Variants in LRRC18 observed in about 807,000 individuals in gnomAD.
LRRC18 encodes leucine rich repeat containing 18.
Under a neutral mutation model 11.2 loss-of-function variants are expected in LRRC18, and 12 were observed. That is an observed-to-expected ratio of 1.07 (90% CI 0.69 to 1.74). The LOEUF is 1.74. Ranked by LOEUF, LRRC18 falls within the 40% of genes most tolerant of loss-of-function variation. The pLI is 0.00. For synonymous variants in LRRC18, 155 were observed against 130.6 expected (o/e 1.19, Z -1.27); for missense variants, 374 against 330.5 (o/e 1.13, Z -1.02).
intron 1 of LRRC18, chr10:48,911,030 G>A: frequency 5.1e-6 from 2 of 391,390 alleles, no homozygotes; most frequent in Non-Finnish European, 7.0e-6. Context: ...ATCCGGCACT[G>A]TCTGTCTCAA....
At chr10:48,939,516 G>A in the LRRC18 span, among the ~76,000 whole-genome samples, 141,989 of 152,276 alleles carry the variant, frequency 0.93, 66,485 homozygotes, top group East Asian at 1. Flanking sequence ...TGCCTCCCAC[G>A]GATCTCAGGA....
At chr10:48,915,136 C>A (rs114549109), upstream of LRRC18, among the ~76,000 whole-genome samples, 561 of 152,240 alleles carry the variant, frequency 3.7e-3, 5 homozygotes, top group African/African-American at 0.013. Flanking sequence ...AAAACAGACA[C>A]CCTTACAGAG....
chr10:48,936,968 G>A, the LRRC18 span, among the ~76,000 whole-genome samples: 1 of 151,820 alleles, frequency 6.6e-6, no homozygotes. Flanking sequence ...CACCCAGGCT[G>A]GAGTGCAGTG....
upstream of LRRC18, among the ~76,000 whole-genome samples, chr10:48,918,108 CTAAA>C (rs1397781199): frequency 6.6e-6 from 1 of 152,002 alleles, no homozygotes; most frequent in Non-Finnish European, 1.5e-5. Context: ...TAGTAAAAAA[CTAAA>C]TATATAAATG....
At chr10:48,926,098 G>A in the LRRC18 span, among the ~76,000 whole-genome samples, 593 of 152,274 alleles carry the variant, frequency 3.9e-3, 1 homozygote, top group Non-Finnish European at 5.7e-3. Flanking sequence ...TCTGTTGCCT[G>A]TGCTCCCCCA....
chr10:48,917,152 C>T (rs1838626177), upstream of LRRC18, among the ~76,000 whole-genome samples: 1 of 152,132 alleles, frequency 6.6e-6, no homozygotes. Flanking sequence ...GCTATACCAT[C>T]TAGGTTTGTG....
At chr10:48,935,643 A>G in the LRRC18 span, among the ~76,000 whole-genome samples, 1 of 152,138 alleles carries the variant, frequency 6.6e-6, no homozygotes, top group Non-Finnish European at 1.5e-5. Context: ...TTTGAATTTA[A>G]TTATTTGTTA....
the LRRC18 span, among the ~76,000 whole-genome samples, chr10:48,938,719 G>T: frequency 6.6e-6 from 1 of 152,202 alleles, no homozygotes; most frequent in Non-Finnish European, 1.5e-5. Flanking sequence ...CTCGTCTGGG[G>T]GGGTAAAGGA....
At chr10:48,912,517 C>T (rs1838098307) in intron 1 of LRRC18, among the ~76,000 whole-genome samples, 1 of 152,202 alleles carries the variant, frequency 6.6e-6, no homozygotes, top group African/African-American at 2.4e-5. Flanking sequence ...CTCCTGAATG[C>T]CTCAGACAGT....
the LRRC18 span, among the ~76,000 whole-genome samples, chr10:48,939,568 A>G: frequency 6.6e-6 from 1 of 152,224 alleles, no homozygotes; most frequent in South Asian, 2.1e-4. Flanking sequence ...ATCTTATTTA[A>G]TCTAAAACTT....
the LRRC18 span, among the ~76,000 whole-genome samples, chr10:48,926,613 C>T: frequency 6.6e-6 from 1 of 152,336 alleles, no homozygotes; most frequent in Middle Eastern, 3.4e-3. Flanking sequence ...CCATTGTCTG[C>T]TCACTCCACT....
the LRRC18 span, among the ~76,000 whole-genome samples, chr10:48,933,910 G>A: frequency 1.3e-5 from 2 of 152,136 alleles, no homozygotes; most frequent in Non-Finnish European, 2.9e-5. Flanking sequence ...AACAGTGAGA[G>A]ACCATTGGAG....
At chr10:48,916,625 G>C (rs909643582), upstream of LRRC18, among the ~76,000 whole-genome samples, 1 of 152,212 alleles carries the variant, frequency 6.6e-6, no homozygotes, top group Non-Finnish European at 1.5e-5. Flanking sequence ...AGACCAAAAA[G>C]TCGGGGGAGA....
chr10:48,931,598 G>A, the LRRC18 span, among the ~76,000 whole-genome samples: 2 of 152,210 alleles, frequency 1.3e-5, no homozygotes, highest in African/African-American at 2.4e-5. Flanking sequence ...TGGGGAAACT[G>A]TGGCCTACTT....
the LRRC18 span, among the ~76,000 whole-genome samples, chr10:48,922,651 A>G: frequency 9.9e-5 from 15 of 152,218 alleles, no homozygotes; most frequent in East Asian, 3.8e-4. Context: ...CAGGTATTCA[A>G]TGGGGGTCTT....
the LRRC18 span, among the ~76,000 whole-genome samples, chr10:48,924,079 T>G: frequency 1.3e-5 from 2 of 152,354 alleles, no homozygotes; most frequent in South Asian, 4.1e-4. Flanking sequence ...GCTCCAAGCC[T>G]GCCCATTAAT....
At chr10:48,920,791 A>C in the LRRC18 span, among the ~76,000 whole-genome samples, 1 of 152,250 alleles carries the variant, frequency 6.6e-6, no homozygotes, top group African/African-American at 2.4e-5. Flanking sequence ...CTTGGAACTA[A>C]TAAGTGAGTT....
At chr10:48,917,899 T>C (rs12416524), upstream of LRRC18, among the ~76,000 whole-genome samples, 38,441 of 152,158 alleles carry the variant, frequency 0.25, 5,908 homozygotes, top group South Asian at 0.39. Context: ...TAACACTGTG[T>C]GATGGAGTTG....
chr10:48,922,842 C>T, the LRRC18 span, among the ~76,000 whole-genome samples: 136 of 152,224 alleles, frequency 8.9e-4, no homozygotes, highest in African/African-American at 3.1e-3. Flanking sequence ...AAAGCCATAA[C>T]TTTAGGTGCA....
Sources: gnomAD v4.1 joint callset for allele counts (sites outside exome capture counted in the v4.1 genomes callset) on GRCh38, gnomAD v4.1.1 for gene constraint, MANE v1.5 for transcripts, NCBI Gene and HGNC (gene_info 2026-07-23, HGNC 2026-07-21) for gene names.